The following THSD4 variants were observed in gnomAD, a reference collection of about 807,000 sequenced individuals.
The protein encoded by THSD4 is thrombospondin type 1 domain containing 4, also known as thrombospondin type-1 domain-containing protein 4.
Under a neutral mutation model 119.0 loss-of-function variants are expected in THSD4, and 69 were observed. The observed-to-expected ratio is 0.58, with a 90% CI of 0.48 to 0.71. THSD4 has a LOEUF of 0.71. Among genes scored for constraint, THSD4 ranks in the 30% least tolerant of loss-of-function variants. THSD4 has a pLI of 0.00. For missense variants in THSD4, 1,393 were observed against 1,391.1 expected (o/e 1.00, Z -0.02); for synonymous variants, 524 against 540.4 (o/e 0.97, Z 0.42).
intron 7 of THSD4, among the ~76,000 whole-genome samples, chr15:71,595,521 A>G (rs2049891850): frequency 1.3e-5 from 2 of 152,132 alleles, no homozygotes; most frequent in Non-Finnish European, 2.9e-5. Context: ...GCCATGTGGA[A>G]CTGTAAGTCC....
intron 7 of THSD4, 77 bp downstream of exon 7, chr15:71,411,900 G>T (rs1391333982): frequency 6.3e-7 from 1 of 1,581,964 alleles, no homozygotes; most frequent in East Asian, 2.3e-5. Flanking sequence ...TCCAGGGAGA[G>T]ACTAGGCTGC....
At chr15:71,201,644 A>G (rs2043804392) in intron 3 of THSD4, among the ~76,000 whole-genome samples, 1 of 152,228 alleles carries the variant, frequency 6.6e-6, no homozygotes, top group Non-Finnish European at 1.5e-5. Flanking sequence ...CTGCTAGCTC[A>G]GTCCCAAGGC....
At chr15:71,632,993 A>C (rs2050661056) in intron 7 of THSD4, among the ~76,000 whole-genome samples, 1 of 152,170 alleles carries the variant, frequency 6.6e-6, no homozygotes, top group African/African-American at 2.4e-5. Context: ...AGGCCTCCCA[A>C]GTTTGGCAGC....
intron 2 of THSD4, among the ~76,000 whole-genome samples, chr15:71,152,237 A>T (rs796148267): frequency 1.3e-5 from 2 of 152,104 alleles, no homozygotes; most frequent in African/African-American, 4.8e-5. Flanking sequence ...AGCCTGGCCA[A>T]CATGGTGAAA....
intron 4 of THSD4, among the ~76,000 whole-genome samples, chr15:71,226,425 G>A (rs1054201498): frequency 1.1e-4 from 17 of 152,120 alleles, no homozygotes; most frequent in African/African-American, 3.1e-4. Context: ...TGAAAGGTTC[G>A]TTCATTTTGA....
intron 7 of THSD4, among the ~76,000 whole-genome samples, chr15:71,610,028 G>A (rs965262261): frequency 2.0e-5 from 3 of 152,034 alleles, no homozygotes; most frequent in African/African-American, 7.2e-5. Flanking sequence ...GACTGTCATC[G>A]ACAATAAAGA....
At chr15:71,773,167 C>T (rs1415163170) in intron 17 of THSD4, among the ~76,000 whole-genome samples, 1 of 141,626 alleles carries the variant, frequency 7.1e-6, no homozygotes. Flanking sequence ...CACCACTGCA[C>T]TCCAGCCTAG....
intron 1 of THSD4, among the ~76,000 whole-genome samples, chr15:71,129,369 TA>T (rs1191664200): frequency 6.6e-6 from 1 of 152,226 alleles, no homozygotes; most frequent in South Asian, 2.1e-4. Context: ...GACATTTTTC[TA>T]GTTCTGGTTT....
At chr15:71,650,204 C>G (rs369405727) in intron 7 of THSD4, among the ~76,000 whole-genome samples, 6 of 152,268 alleles carry the variant, frequency 3.9e-5, no homozygotes, top group African/African-American at 1.4e-4. Context: ...CATGGCTGTT[C>G]TCACGCTGCA....
chr15:71,483,286 C>T (rs1386491250), intron 7 of THSD4, among the ~76,000 whole-genome samples: 1 of 152,162 alleles, frequency 6.6e-6, no homozygotes, highest in Non-Finnish European at 1.5e-5. Context: ...CCTTCATAAA[C>T]TCCCCTCAAT....
At chr15:71,759,125 G>A (rs1453950024) in intron 15 of THSD4, among the ~76,000 whole-genome samples, 2 of 152,320 alleles carry the variant, frequency 1.3e-5, no homozygotes, top group South Asian at 2.1e-4. Context: ...GTGGTATAAT[G>A]GCAAGTGAGA....
chr15:71,594,031 G>A (rs1363650838), intron 7 of THSD4, among the ~76,000 whole-genome samples: 1 of 152,032 alleles, frequency 6.6e-6, no homozygotes, highest in Non-Finnish European at 1.5e-5. Flanking sequence ...GGAGGGACTT[G>A]AGAGGGTGGT....
intron 7 of THSD4, among the ~76,000 whole-genome samples, chr15:71,567,771 G>C (rs1214775119): frequency 7.5e-6 from 1 of 132,990 alleles, no homozygotes; most frequent in Non-Finnish European, 1.7e-5. Context: ...GAGAAAGAGA[G>C]AGAGAGTGTG....
chr15:71,679,693 C>T (rs1488186137), intron 8 of THSD4, among the ~76,000 whole-genome samples: 1 of 152,206 alleles, frequency 6.6e-6, no homozygotes, highest in African/African-American at 2.4e-5. Context: ...TATAGCTAGG[C>T]CTGTTTCATC....
rs149382431 is a variant in THSD4 at position 71,674,768 on chromosome 15, G to C, written c.1357+14034G>C. Among the ~76,000 whole-genome samples, 703 of 152,268 alleles carry C rather than the reference G, an allele frequency of 4.6e-3. 3 individuals carry two copies. The highest frequency in any genetic ancestry group is 0.015 in the African/African-American group (643 of 41,540). The stretch of plus-strand genomic sequence containing the variant: ...GATTGTTACAGTGAGGGCAGAGAAG[G>C]GGGGAGGCGGGTGCTGCTGGCATCT... On this transcript the variant is annotated intron_variant, in intron 8 of 17. Coordinates refer to ENST00000261862, the MANE Select transcript of THSD4 (RefSeq NM_024817.3).
intron 10 of THSD4, among the ~76,000 whole-genome samples, chr15:71,735,207 T>A (rs2053058938): frequency 1.3e-5 from 2 of 152,152 alleles, no homozygotes; most frequent in South Asian, 4.1e-4. Flanking sequence ...CTAATTCCGC[T>A]GAGGTGCCAC....
chr15:71,411,696 A>G lies in THSD4; in HGVS notation c.1025A>G (p.Asn342Ser), dbSNP rs1389433104. 2 of 1,614,026 alleles carry G rather than the reference A, an allele frequency of 1.2e-6. No homozygotes were observed. The highest frequency in any genetic ancestry group is 1.1e-5 in the South Asian group (1 of 91,056). The change falls in exon 7 of 18, where the codon AAT becomes AGT. Residue 342 changes from asparagine to serine, a missense_variant. Asn to Ser is a conservative substitution (Grantham distance 46, BLOSUM62 1). Coordinates refer to ENST00000261862, the MANE Select transcript of THSD4 (RefSeq NM_024817.3). ...CATTTTACTTTGGTAGTAAAAGGCA[A>G]TCGCAAATGTGAGTTGAACTGCCAG... ...EWEPFAEVKG[N>S]RKCELNCQAM...
intron 11 of THSD4, among the ~76,000 whole-genome samples, chr15:71,742,391 C>CT (rs898760708): frequency 1.2e-4 from 19 of 152,196 alleles, no homozygotes; most frequent in Non-Finnish European, 2.6e-4. Flanking sequence ...AAGTCATTTA[C>CT]TTTTTTCTTG....
chr15:71,604,523 A>T (rs1253275691), intron 7 of THSD4, among the ~76,000 whole-genome samples: 1 of 152,238 alleles, frequency 6.6e-6, no homozygotes, highest in Non-Finnish European at 1.5e-5. Context: ...ATGACCTCAG[A>T]TGAGTGACAC....
Sources: gnomAD v4.1 joint callset for allele counts (sites outside exome capture counted in the v4.1 genomes callset) on GRCh38, gnomAD v4.1.1 for gene constraint, MANE v1.5 for transcripts, NCBI Gene and HGNC (gene_info 2026-07-23, HGNC 2026-07-21) for gene names.